ADGRL3: variants seen among roughly 807,000 people sequenced by gnomAD.
ADGRL3 encodes the protein calcium-independent alpha-latrotoxin receptor 3.
In ADGRL3, 62 loss-of-function variants were observed where a neutral mutation model predicts 153.5. The ratio of observed to expected loss-of-function variants is 0.40; its 90% CI spans 0.33 to 0.50. The LOEUF is 0.50. ADGRL3 is among the 20% of genes least tolerant of loss of function. The pLI is 0.47. For synonymous variants in ADGRL3, 710 were observed against 672.5 expected (o/e 1.06, Z -0.86); for missense variants, 1,641 against 1,859.4 (o/e 0.88, Z 2.16).
intron 21 of ADGRL3, among the ~76,000 whole-genome samples, chr4:62,011,139 T>C (rs1000442212): frequency 6.6e-6 from 1 of 152,070 alleles, no homozygotes; most frequent in Non-Finnish European, 1.5e-5. Flanking sequence ...TTTGATTCCA[T>C]AGGGGAGAAA....
intron 8 of ADGRL3, among the ~76,000 whole-genome samples, chr4:61,754,854 G>A (rs1217681040): frequency 6.6e-6 from 1 of 151,982 alleles, no homozygotes; most frequent in African/African-American, 2.4e-5. Flanking sequence ...CCACCTATGA[G>A]TGAGAATATG....
At chr4:61,725,225 C>G (rs1003913941) in intron 6 of ADGRL3, among the ~76,000 whole-genome samples, 1 of 152,102 alleles carries the variant, frequency 6.6e-6, no homozygotes, top group African/African-American at 2.4e-5. Context: ...TAAACAAAGC[C>G]TAGCTACCTA....
At chr4:61,927,698 T>A (rs2098800200) in intron 13 of ADGRL3, among the ~76,000 whole-genome samples, 1 of 152,182 alleles carries the variant, frequency 6.6e-6, no homozygotes, top group African/African-American at 2.4e-5. Context: ...CTTCTAACAC[T>A]TGACCTTTAC....
chr4:61,739,229 T>C (rs1279372513), intron 8 of ADGRL3, among the ~76,000 whole-genome samples: 1 of 152,180 alleles, frequency 6.6e-6, no homozygotes, highest in Admixed American at 6.5e-5. Context: ...AAAAAGTTTT[T>C]TTTGGAACTA....
At chr4:61,259,985 A>G (rs1300417374) in intron 1 of ADGRL3, among the ~76,000 whole-genome samples, 1 of 152,188 alleles carries the variant, frequency 6.6e-6, no homozygotes, top group Non-Finnish European at 1.5e-5. Flanking sequence ...CCCCCAAAAC[A>G]TTAAAATGGT....
intron 2 of ADGRL3, among the ~76,000 whole-genome samples, chr4:61,461,429 A>T (rs1264831216): frequency 1.3e-5 from 2 of 152,158 alleles, no homozygotes; most frequent in African/African-American, 4.8e-5. Context: ...GGATGTCCTA[A>T]ATACTCTGAT....
rs1458088832 is a variant in ADGRL3 at position 61,769,089 on chromosome 4, C to T, written c.1399+35535C>T. Among the ~76,000 whole-genome samples, 27 of 151,832 alleles carry T rather than the reference C, an allele frequency of 1.8e-4. No individual in the cohort carries two copies. In the East Asian group the frequency reaches 2.9e-3, roughly 16 times the overall value. ...CCTGCCCCAGGAAAGCGGGACTTGC[C>T]GCTAAGGGTGAAGGACCAAGGCAGG... On this transcript the variant is annotated intron_variant, in intron 8 of 26. Transcript: ENST00000683033.
intron 1 of ADGRL3, among the ~76,000 whole-genome samples, chr4:61,241,825 A>G (rs576810197): frequency 3.9e-5 from 6 of 152,092 alleles, no homozygotes; most frequent in South Asian, 2.1e-4. Flanking sequence ...GGAGAAATAT[A>G]TTTTATGTTT....
At chr4:61,381,154 C>T (rs1479520931) in intron 1 of ADGRL3, among the ~76,000 whole-genome samples, 5 of 151,946 alleles carry the variant, frequency 3.3e-5, no homozygotes, top group East Asian at 3.9e-4. Flanking sequence ...ATGGAAGACT[C>T]TCTGTCCTTA....
At chr4:61,580,913 G>T (rs1304008278) in intron 4 of ADGRL3, among the ~76,000 whole-genome samples, 1 of 152,002 alleles carries the variant, frequency 6.6e-6, no homozygotes, top group Non-Finnish European at 1.5e-5. Flanking sequence ...CTTTAGAAGC[G>T]AGTCACTCAG....
chr4:61,314,878 ATTATGT>A (rs1162547012), intron 1 of ADGRL3, among the ~76,000 whole-genome samples: 4 of 152,200 alleles, frequency 2.6e-5, no homozygotes, highest in Non-Finnish European at 5.9e-5. Context: ...TGGTTAAGAA[ATTATGT>A]TTATTAGCTA....
intron 2 of ADGRL3, among the ~76,000 whole-genome samples, chr4:61,398,955 T>C (rs576799792): frequency 6.6e-6 from 1 of 151,820 alleles, no homozygotes; most frequent in Admixed American, 6.6e-5. Flanking sequence ...TATATGTGCT[T>C]TTTCTTCCAT....
In ADGRL3 at chr4:61,274,182, G is replaced by A. The variant is rs184158927; in HGVS notation, c.-240+72417G>A. ...TAGCTAAAGTATAGAAGTCTGAAAA[G>A]TATTTGGTGACAGAGTCCTGGCATG... On this transcript the variant is annotated intron_variant, in intron 1 of 26. Coordinates refer to ENST00000683033, the MANE Select transcript of ADGRL3 (RefSeq NM_001387552.1). Among the ~76,000 whole-genome samples, 67 of 152,356 alleles carry A rather than the reference G, an allele frequency of 4.4e-4. 1 individual carries two copies. Among genetic ancestry groups the A allele is most frequent in the Admixed American group, 6.5e-4 (10 of 15,296 alleles).
intron 4 of ADGRL3, among the ~76,000 whole-genome samples, chr4:61,573,572 T>TAAAC (rs2098847770): frequency 6.6e-6 from 1 of 151,968 alleles, no homozygotes; most frequent in African/African-American, 2.4e-5. Context: ...TTTTTCTAAG[T>TAAAC]TGATATTCAT....
chr4:62,042,312 T>A (rs1347709702), intron 24 of ADGRL3, among the ~76,000 whole-genome samples: 2 of 151,918 alleles, frequency 1.3e-5, no homozygotes, highest in East Asian at 3.9e-4. Context: ...ATAGGAGATG[T>A]TAGTGACTGT....
intron 5 of ADGRL3, among the ~76,000 whole-genome samples, chr4:61,622,752 G>T (rs2092605735): frequency 6.6e-6 from 1 of 151,950 alleles, no homozygotes; most frequent in African/African-American, 2.4e-5. Flanking sequence ...GATCTCAGAG[G>T]ATTTGAATAT....
At chr4:61,598,658 A>G (rs1015261887) in intron 5 of ADGRL3, among the ~76,000 whole-genome samples, 12 of 152,234 alleles carry the variant, frequency 7.9e-5, no homozygotes, top group African/African-American at 2.9e-4. Context: ...ACACATTTAC[A>G]CACATACGAG....
At chr4:61,946,731 G>A (rs1204376835) in intron 15 of ADGRL3, among the ~76,000 whole-genome samples, 183 bp from the exon 16 acceptor site, 1 of 152,020 alleles carries the variant, frequency 6.6e-6, no homozygotes, top group East Asian at 1.9e-4. Context: ...AAAAAATATT[G>A]GTATGTAGTT....
At chr4:61,207,859 A>C (rs2148799686) in intron 1 of ADGRL3, among the ~76,000 whole-genome samples, 1 of 152,300 alleles carries the variant, frequency 6.6e-6, no homozygotes, top group African/African-American at 2.4e-5. Flanking sequence ...TGGCTCAGGT[A>C]GATTTTTCTG....
Sources: gnomAD v4.1 joint callset for allele counts (sites outside exome capture counted in the v4.1 genomes callset) on GRCh38, gnomAD v4.1.1 for gene constraint, MANE v1.5 for transcripts, NCBI Gene and HGNC (gene_info 2026-07-23, HGNC 2026-07-21) for gene names.